Variants in UNC13C observed in about 807,000 individuals in gnomAD.
UNC13C encodes the protein unc-13 homolog C.
Under a neutral mutation model 245.4 loss-of-function variants are expected in UNC13C, and 174 were observed. The observed-to-expected ratio is 0.71, with a 90% confidence interval of 0.63 to 0.80. UNC13C has a LOEUF of 0.80. Ranked by LOEUF, UNC13C falls within the 30% of genes least tolerant of loss-of-function variation. UNC13C has a pLI of 0.00. For missense variants in UNC13C, 2,829 were observed against 2,602.9 expected (o/e 1.09, Z -1.89); for synonymous variants, 992 against 895.1 (o/e 1.11, Z -1.93).
chr15:54,331,645 A>T (rs551992304), intron 14 of UNC13C, among the ~76,000 whole-genome samples: 1 of 152,264 alleles, frequency 6.6e-6, no homozygotes, highest in East Asian at 1.9e-4. Context: ...GAGAAGGGGC[A>T]TGAAGTACAG....
intron 19 of UNC13C, among the ~76,000 whole-genome samples, chr15:54,427,671 T>C (rs1426563981): frequency 6.6e-6 from 1 of 151,850 alleles, no homozygotes; most frequent in Non-Finnish European, 1.5e-5. Context: ...ACTTTAATTT[T>C]ACATAATAAT....
chr15:54,100,030 G>A (rs1051942918), intron 2 of UNC13C, among the ~76,000 whole-genome samples: 2 of 150,598 alleles, frequency 1.3e-5, no homozygotes, highest in African/African-American at 4.9e-5. Flanking sequence ...AACCTGGGAG[G>A]CAGAGGTTGC....
At chr15:53,885,089 A>G in the UNC13C span, among the ~76,000 whole-genome samples, 1 of 152,232 alleles carries the variant, frequency 6.6e-6, no homozygotes, top group Non-Finnish European at 1.5e-5. Context: ...GTTTTTATAA[A>G]TAGAAAGTCA....
chr15:54,030,416 G>C (rs761490854), intron 2 of UNC13C, among the ~76,000 whole-genome samples: 4 of 151,898 alleles, frequency 2.6e-5, no homozygotes, highest in Admixed American at 6.6e-5. Context: ...CTGTGAAAAA[G>C]GTCTAACTGA....
intron 4 of UNC13C, among the ~76,000 whole-genome samples, chr15:54,162,276 T>A (rs2033008121): frequency 6.6e-6 from 1 of 152,132 alleles, no homozygotes; most frequent in African/African-American, 2.4e-5. Flanking sequence ...CAGGGACTGG[T>A]CCATTTCCTT....
At chr15:54,413,344 G>A (rs1427760254) in intron 18 of UNC13C, among the ~76,000 whole-genome samples, 2 of 151,724 alleles carry the variant, frequency 1.3e-5, no homozygotes, top group Non-Finnish European at 2.9e-5. Context: ...AAGCAATTTT[G>A]CCTTTTTATA....
chr15:54,202,478 C>T (rs1171710012), intron 4 of UNC13C, among the ~76,000 whole-genome samples: 1 of 151,982 alleles, frequency 6.6e-6, no homozygotes, highest in Non-Finnish European at 1.5e-5. Flanking sequence ...GGCACTAGAC[C>T]AATGGAACAG....
At chr15:54,613,281 A>T (rs192131706) in intron 30 of UNC13C, among the ~76,000 whole-genome samples, 2 of 152,054 alleles carry the variant, frequency 1.3e-5, no homozygotes, top group Admixed American at 6.5e-5. Context: ...AATTCAGAGC[A>T]AGCAATCTAT....
rs372157757 is a variant in UNC13C at position 54,332,099 on chromosome 15, G to T, written c.4482G>T (p.Leu1494=). ...TACATAACTCTTTGAGGATTGATCTGTCAAAGTATAGGGTATGTACAAATT... is the reference window on the plus strand; with the variant it reads ...TACATAACTCTTTGAGGATTGATCTTTCAAAGTATAGGGTATGTACAAATT... The part of the protein sequence containing the change: ...DQLHNSLRID[L]SKYRENFPAS... The change falls in exon 15 of 33, where the codon CTG becomes CTT. Residue 1494 remains leucine, a synonymous_variant. Coordinates refer to ENST00000260323, the MANE Select transcript of UNC13C (RefSeq NM_001080534.3). 14 of 1,575,126 alleles carry T rather than the reference G, an allele frequency of 8.9e-6. No individual in the cohort carries two copies. Among genetic ancestry groups the T allele is most frequent in the South Asian group, 5.9e-5 (5 of 85,360 alleles).
chr15:54,280,631 A>G (rs530439648), intron 10 of UNC13C, among the ~76,000 whole-genome samples: 18 of 147,658 alleles, frequency 1.2e-4, no homozygotes, highest in Middle Eastern at 3.7e-3. Context: ...TATACATACA[A>G]GTATACATAT....
intron 19 of UNC13C, among the ~76,000 whole-genome samples, chr15:54,424,471 G>A (rs1260841416): frequency 6.6e-6 from 1 of 151,800 alleles, no homozygotes; most frequent in Non-Finnish European, 1.5e-5. Context: ...TGGTTCTGTT[G>A]GGTTGACTGT....
At chr15:53,967,682 A>C in the UNC13C span, among the ~76,000 whole-genome samples, 38 of 152,316 alleles carry the variant, frequency 2.5e-4, no homozygotes, top group Admixed American at 2.4e-3. Flanking sequence ...ACAGCTCACC[A>C]TGTGATTAAG....
At chr15:54,159,280 C>T (rs1031287675) in intron 4 of UNC13C, among the ~76,000 whole-genome samples, 1 of 152,138 alleles carries the variant, frequency 6.6e-6, no homozygotes, top group Non-Finnish European at 1.5e-5. Flanking sequence ...CTTCGTAGAC[C>T]GCAGACCAGG....
intron 19 of UNC13C, among the ~76,000 whole-genome samples, chr15:54,463,189 C>A (rs1891953097): frequency 7.1e-6 from 1 of 141,634 alleles, no homozygotes; most frequent in African/African-American, 2.6e-5. Flanking sequence ...AGCACCCTGT[C>A]AAAATGGGCC....
At position 54,015,237 on chromosome 15, in the gene UNC13C, A is replaced by C. The variant is rs746419600; in HGVS notation, c.2334A>C (p.Ser778=). 19 of 1,613,482 alleles carry C rather than the reference A, an allele frequency of 1.2e-5. 1 individual carries two copies. In the South Asian group the frequency reaches 2.1e-4, roughly 18 times the overall value. Residue 778 remains serine, a synonymous_variant, in exon 2 of 33, where the codon TCA becomes TCC. Coordinates refer to ENST00000260323, the MANE Select transcript of UNC13C (RefSeq NM_001080534.3). ...ATTCAGAGGATGCCCCACCCAAATCATGGCATAGTCGATTAAGCATTGACC... is the reference window on the plus strand; with the variant it reads ...ATTCAGAGGATGCCCCACCCAAATCCTGGCATAGTCGATTAAGCATTGACC... ...SDDSEDAPPK[S]WHSRLSIDLS...
At chr15:54,573,856 C>T (rs949259198) in intron 30 of UNC13C, among the ~76,000 whole-genome samples, 2 of 152,106 alleles carry the variant, frequency 1.3e-5, no homozygotes, top group Non-Finnish European at 2.9e-5. Context: ...TAATAGTGCT[C>T]AGTCTAGGAC....
At chr15:54,057,741 T>C (rs768209142) in intron 2 of UNC13C, among the ~76,000 whole-genome samples, 2 of 152,126 alleles carry the variant, frequency 1.3e-5, no homozygotes, top group East Asian at 1.9e-4. Flanking sequence ...TGTAAAAGAA[T>C]AGAAATTATA....
intron 17 of UNC13C, among the ~76,000 whole-genome samples, chr15:54,365,095 T>C (rs1463862976): frequency 6.6e-6 from 1 of 152,072 alleles, no homozygotes; most frequent in Non-Finnish European, 1.5e-5. Flanking sequence ...GAACTCCCCG[T>C]CAGATCTGCA....
chr15:54,174,972 A>C (rs1235529048), intron 4 of UNC13C, among the ~76,000 whole-genome samples: 1 of 152,154 alleles, frequency 6.6e-6, no homozygotes, highest in Non-Finnish European at 1.5e-5. Flanking sequence ...CCTTTTGCTG[A>C]GCTCAAGCCT....
Sources: allele counts gnomAD v4.1 joint callset (sites outside exome capture counted in the v4.1 genomes callset), GRCh38; gene constraint gnomAD v4.1.1; transcripts MANE v1.5; gene names NCBI Gene and HGNC (gene_info 2026-07-23, HGNC 2026-07-21).